The following PCNX2 variants were observed in gnomAD, a reference collection of about 807,000 sequenced individuals.
The protein encoded by PCNX2 is pecanex-like protein 2.
A neutral mutation model predicts 223.8 loss-of-function variants in PCNX2; 168 were observed. The observed-to-expected ratio is 0.75, with a 90% CI of 0.66 to 0.85. The LOEUF is 0.85. PCNX2 is among the 40% of genes least tolerant of loss of function. The probability of loss-of-function intolerance (pLI) is 0.00; values close to 1 mark genes in which losing one functional copy is unlikely to be tolerated. For synonymous variants in PCNX2, 1,006 were observed against 1,052.6 expected (o/e 0.96, Z 0.86); for missense variants, 2,507 against 2,675.5 (o/e 0.94, Z 1.39).
chr1:233,005,058 G>C (rs556677600), intron 28 of PCNX2, among the ~76,000 whole-genome samples: 1 of 152,330 alleles, frequency 6.6e-6, no homozygotes, highest in Non-Finnish European at 1.5e-5. Flanking sequence ...TTCGAAACAT[G>C]AATAATGACC....
chr1:233,042,010 GA>G (rs1222496125), intron 25 of PCNX2, among the ~76,000 whole-genome samples: 1 of 152,142 alleles, frequency 6.6e-6, no homozygotes, highest in East Asian at 1.9e-4. Context: ...GGGTTTATAA[GA>G]AACATAGATG....
At chr1:232,997,798 T>G (rs1171237845) in intron 32 of PCNX2, among the ~76,000 whole-genome samples, 1 of 152,170 alleles carries the variant, frequency 6.6e-6, no homozygotes, top group Non-Finnish European at 1.5e-5. Flanking sequence ...CTCTGAAATG[T>G]CAAGTCTAAG....
At chr1:233,270,636 G>C (rs1320361558) in intron 1 of PCNX2, among the ~76,000 whole-genome samples, 1 of 152,136 alleles carries the variant, frequency 6.6e-6, no homozygotes, top group Admixed American at 6.6e-5. Flanking sequence ...AAAGTAAGAT[G>C]AACAAAAAAG....
At chr1:233,077,882 C>T (rs746646234) in intron 23 of PCNX2, among the ~76,000 whole-genome samples, 58 of 152,092 alleles carry the variant, frequency 3.8e-4, no homozygotes, top group Non-Finnish European at 7.8e-4. Flanking sequence ...CAGCAATCCA[C>T]AGGTGAAAGA....
chr1:233,285,345 T>C (rs1207505528), intron 1 of PCNX2, among the ~76,000 whole-genome samples: 1 of 151,460 alleles, frequency 6.6e-6, no homozygotes, highest in Non-Finnish European at 1.5e-5. Flanking sequence ...ATGAACCCTA[T>C]CTCTAAAAAG....
chr1:233,067,919 G>A (rs1428611615), intron 23 of PCNX2, among the ~76,000 whole-genome samples: 1 of 152,080 alleles, frequency 6.6e-6, no homozygotes, highest in East Asian at 1.9e-4. Flanking sequence ...AATGAACAGA[G>A]TCTCCAAAAC....
chr1:233,255,367 G>T (rs1045630619), intron 5 of PCNX2, among the ~76,000 whole-genome samples: 1 of 152,136 alleles, frequency 6.6e-6, no homozygotes, highest in Admixed American at 6.6e-5. Context: ...GGGCACATCC[G>T]AAGCCTTTCC....
In PCNX2 at chr1:233,218,155, G is replaced by A. The variant is rs74503807; in HGVS notation, c.2534C>T (p.Ala845Val). ...RTEDIKENVL[A>V]ILLIVLVSLL... The stretch of plus-strand genomic sequence containing the variant: ...GGAAACCAGGACAATGAGTAAAATC[G>A]CCAGTACATTCTCCTTGATGTCTTC... The change falls in exon 11 of 34, where the codon GCG becomes GTG. Residue 845 changes from alanine (A) to valine (V), a missense_variant. Ala to Val is a moderately conservative substitution (Grantham distance 64). Coordinates refer to ENST00000258229, the MANE Select transcript of PCNX2 (RefSeq NM_014801.4). 0.02 allele frequency: 26,192 copies of A among 1,339,500 alleles called. 335 individuals carry two copies. Among genetic ancestry groups the A allele is most frequent in the South Asian group, 0.041 (3,297 of 81,188 alleles). 83.0% of individuals were successfully genotyped at this position (1,339,500 alleles called of 1,614,324 possible).
rs1670104099 is a variant in PCNX2 at position 233,001,967 on chromosome 1, T to G, written c.4953-286A>C. On this transcript the variant is annotated intron_variant, in intron 28 of 33. Coordinates refer to ENST00000258229, the MANE Select transcript of PCNX2 (RefSeq NM_014801.4). The surrounding 1 kb of genome is among the most constrained non-coding windows in gnomAD (Gnocchi z 4.2). ...TGACACTAGGATTCCAGGTCAGAAC[T>G]GGCCTCACGTGTCCACTCAAAGTTA... is the stretch of plus-strand genomic sequence containing the variant. Among the ~76,000 whole-genome samples the G allele has an allele frequency of 6.6e-6, 1 of 152,194 alleles. No homozygotes were observed. The highest frequency in any genetic ancestry group is 2.4e-5 in the African/African-American group (1 of 41,452).
chr1:233,108,754 A>G (rs372353652), intron 21 of PCNX2, among the ~76,000 whole-genome samples: 1 of 152,228 alleles, frequency 6.6e-6, no homozygotes, highest in South Asian at 2.1e-4. Context: ...AAAAATGAGA[A>G]ACTCTCCTTC....
At chr1:233,204,266 A>G (rs749405238) in intron 13 of PCNX2, among the ~76,000 whole-genome samples, 1 of 152,170 alleles carries the variant, frequency 6.6e-6, no homozygotes, top group Non-Finnish European at 1.5e-5. Context: ...CAAGCCAAGG[A>G]GAACGGCCTG....
At chr1:233,019,638 G>A (rs1019347674) in intron 26 of PCNX2, among the ~76,000 whole-genome samples, 7 of 152,138 alleles carry the variant, frequency 4.6e-5, no homozygotes, top group African/African-American at 1.7e-4. Flanking sequence ...CAAGCAGGAT[G>A]AGCGTGGGAC....
intron 33 of PCNX2, chr1:232,984,685 CAG>C (rs1316999498): frequency 1.7e-5 from 9 of 533,592 alleles, no homozygotes; most frequent in African/African-American, 1.2e-4. Flanking sequence ...ATCTGAGACA[CAG>C]GGGCTCTGCA....
intron 23 of PCNX2, among the ~76,000 whole-genome samples, chr1:233,083,473 T>G (rs1254317766): frequency 6.6e-6 from 1 of 152,008 alleles, no homozygotes; most frequent in Non-Finnish European, 1.5e-5. Context: ...AGGCACAAGA[T>G]CCGCTCCACC....
At chr1:233,182,751 C>T (rs947069832) in intron 15 of PCNX2, among the ~76,000 whole-genome samples, 1 of 152,252 alleles carries the variant, frequency 6.6e-6, no homozygotes, top group South Asian at 2.1e-4. Flanking sequence ...CCATTCCATT[C>T]CCCTCTACCT....
At chr1:233,092,892 A>C (rs1334387085) in intron 22 of PCNX2, among the ~76,000 whole-genome samples, 1 of 152,148 alleles carries the variant, frequency 6.6e-6, no homozygotes, top group Non-Finnish European at 1.5e-5. Context: ...TCCGCCTCCC[A>C]GGTTCAAGCG....
rs557919996 is a variant in PCNX2, at chr1:233,015,606, T to A, written c.4840-829A>T. ...TACCCAGGAGGCTGAGGCAGGAGAGTCGCTGGAACCCGGGGGGCAGAGGCT... is the reference window on the plus strand; with the variant it reads ...TACCCAGGAGGCTGAGGCAGGAGAGACGCTGGAACCCGGGGGGCAGAGGCT... On this transcript the variant is annotated intron_variant, in intron 27 of 33. Coordinates refer to ENST00000258229, the MANE Select transcript of PCNX2 (RefSeq NM_014801.4). Among the ~76,000 whole-genome samples, 102 of 150,644 alleles carry A rather than the reference T, an allele frequency of 6.8e-4. 1 individual carries two copies. The highest frequency in any genetic ancestry group is 2.4e-3 in the African/African-American group (98 of 40,960).
chr1:233,177,502 T>C (rs1395570959), intron 17 of PCNX2, among the ~76,000 whole-genome samples: 1 of 152,240 alleles, frequency 6.6e-6, no homozygotes, highest in Non-Finnish European at 1.5e-5. Flanking sequence ...TTGTTTGGTG[T>C]ACTCTCATGG....
chr1:233,157,125 G>A (rs1028113597), intron 19 of PCNX2, among the ~76,000 whole-genome samples: 2 of 152,106 alleles, frequency 1.3e-5, no homozygotes, highest in African/African-American at 2.4e-5. Context: ...ATGAGAAGAT[G>A]GCATGTCAAA....
Sources: allele counts gnomAD v4.1 joint callset (sites outside exome capture counted in the v4.1 genomes callset), GRCh38; gene constraint gnomAD v4.1.1; non-coding constraint Gnocchi (gnomAD v3.1); transcripts MANE v1.5; gene names NCBI Gene and HGNC (gene_info 2026-07-23, HGNC 2026-07-21).